MACROD2: variants seen among roughly 807,000 people sequenced by gnomAD.
MACROD2 encodes ADP-ribose glycohydrolase MACROD2.
Under a neutral mutation model 70.4 loss-of-function variants are expected in MACROD2, and 36 were observed. That is an observed-to-expected ratio of 0.51 (90% CI 0.39 to 0.68). The LOEUF is 0.68. Among genes scored for constraint, MACROD2 ranks in the 30% least tolerant of loss-of-function variants. MACROD2 has a pLI of 0.00. For synonymous variants in MACROD2, 172 were observed against 178.8 expected (o/e 0.96, Z 0.30); for missense variants, 496 against 538.4 (o/e 0.92, Z 0.78).
At chr20:14,152,887 A>T (rs1478551673) in intron 3 of MACROD2, among the ~76,000 whole-genome samples, 2 of 152,188 alleles carry the variant, frequency 1.3e-5, no homozygotes, top group African/African-American at 4.8e-5. Context: ...CCTATCGTTA[A>T]GCAGTTTTTC....
chr20:14,485,655 C>T (rs1227242996), intron 3 of MACROD2, among the ~76,000 whole-genome samples: 2 of 130,606 alleles, frequency 1.5e-5, no homozygotes, highest in Admixed American at 8.9e-5. Flanking sequence ...GAGCCGAGAT[C>T]GTGCCACTTG....
Position 14,085,694 on chromosome 20 carries a change from C to A in MACROD2, c.237C>A (p.Ile79=). ...TEKVSLYRGD[I]TLLEVDAIVN... is the part of the protein sequence containing the mutation. Reference sequence around the variant, plus strand: ...AAGTTTCTCTCTATAGAGGTGACATCACATTGCTAGAGGTAGATGCTATAG... The same window carrying A: ...AAGTTTCTCTCTATAGAGGTGACATAACATTGCTAGAGGTAGATGCTATAG... The change falls in exon 3 of 18, where the codon ATC becomes ATA. Residue 79 remains isoleucine (I), a synonymous_variant. Transcript: ENST00000684519. 6.4e-7 allele frequency: 1 copy of A among 1,566,950 alleles called. No homozygotes were observed. The highest frequency in any genetic ancestry group is 8.7e-7 in the Non-Finnish European group (1 of 1,155,632).
At chr20:15,127,238 G>A (rs542016112) in intron 5 of MACROD2, among the ~76,000 whole-genome samples, 38 of 152,118 alleles carry the variant, frequency 2.5e-4, no homozygotes, top group African/African-American at 8.9e-4. Flanking sequence ...AGTGACTGGT[G>A]CAAAATAAAT....
intron 4 of MACROD2, among the ~76,000 whole-genome samples, chr20:14,670,202 C>T (rs150720438): frequency 1.3e-5 from 2 of 152,198 alleles, no homozygotes; most frequent in Admixed American, 6.6e-5. Flanking sequence ...CTGTCATCTA[C>T]GATGATGAAT....
intron 4 of MACROD2, among the ~76,000 whole-genome samples, chr20:14,621,510 T>C (rs1338842889): frequency 6.6e-6 from 1 of 152,164 alleles, no homozygotes; most frequent in Non-Finnish European, 1.5e-5. Flanking sequence ...TACAGCCCTA[T>C]GTTTCAGGAA....
At chr20:14,336,980 T>C (rs2082949842) in intron 3 of MACROD2, among the ~76,000 whole-genome samples, 1 of 152,214 alleles carries the variant, frequency 6.6e-6, no homozygotes, top group Non-Finnish European at 1.5e-5. Context: ...ACTCATGGGC[T>C]GAGGGATTAT....
intron 6 of MACROD2, among the ~76,000 whole-genome samples, chr20:15,381,067 A>T (rs940272398): frequency 5.3e-5 from 8 of 152,214 alleles, no homozygotes; most frequent in Non-Finnish European, 1.2e-4. Flanking sequence ...GACAAGCATA[A>T]ATGTACTTCT....
chr20:14,474,387 T>C (rs2084565454), intron 3 of MACROD2, among the ~76,000 whole-genome samples: 1 of 152,192 alleles, frequency 6.6e-6, no homozygotes, highest in Non-Finnish European at 1.5e-5. Flanking sequence ...TGTTTTGTAG[T>C]CTAACATGTG....
At chr20:14,361,641 C>T (rs2083222704) in intron 3 of MACROD2, among the ~76,000 whole-genome samples, 1 of 152,152 alleles carries the variant, frequency 6.6e-6, no homozygotes, top group Non-Finnish European at 1.5e-5. Flanking sequence ...ATGCATGTCA[C>T]TCCAATAGGT....
At chr20:15,403,751 G>A (rs1568780994) in intron 6 of MACROD2, among the ~76,000 whole-genome samples, 2 of 152,114 alleles carry the variant, frequency 1.3e-5, no homozygotes, top group African/African-American at 4.8e-5. Context: ...TTGGAACTTA[G>A]CCCATGAGAT....
At chr20:15,939,178 T>A (rs554808123) in intron 12 of MACROD2, among the ~76,000 whole-genome samples, 1 of 152,216 alleles carries the variant, frequency 6.6e-6, no homozygotes, top group African/African-American at 2.4e-5. Context: ...CTAAAATCAC[T>A]GATCAAGGTG....
chr20:15,642,581 C>T (rs1228383428), intron 8 of MACROD2, among the ~76,000 whole-genome samples: 3 of 137,896 alleles, frequency 2.2e-5, no homozygotes, highest in Non-Finnish European at 4.7e-5. Context: ...AAGTAGGGAA[C>T]TGTGTACCTG....
intron 9 of MACROD2, among the ~76,000 whole-genome samples, chr20:15,868,934 T>C (rs2064533849): frequency 6.6e-6 from 1 of 151,612 alleles, no homozygotes; most frequent in African/African-American, 2.4e-5. Flanking sequence ...ACAGGCACAC[T>C]CCACCATGCC....
At chr20:14,620,831 T>C (rs139765661) in intron 4 of MACROD2, among the ~76,000 whole-genome samples, 1 of 152,250 alleles carries the variant, frequency 6.6e-6, no homozygotes, top group Non-Finnish European at 1.5e-5. Flanking sequence ...TTTCTTTAAT[T>C]TAAATGAGTT....
chr20:15,662,059 G>A (rs76314075), intron 8 of MACROD2, among the ~76,000 whole-genome samples: 3,262 of 152,098 alleles, frequency 0.021, 224 homozygotes, highest in South Asian at 0.12. Flanking sequence ...CTTTACCCAC[G>A]CTGAAGTTGG....
At chr20:14,411,867 G>T (rs1190004220) in intron 3 of MACROD2, among the ~76,000 whole-genome samples, 2 of 152,092 alleles carry the variant, frequency 1.3e-5, no homozygotes, top group Non-Finnish European at 2.9e-5. Flanking sequence ...ATAGCTCTCT[G>T]TTCTCAACCC....
intron 4 of MACROD2, among the ~76,000 whole-genome samples, chr20:14,505,634 C>G (rs2084960456): frequency 6.6e-6 from 1 of 152,214 alleles, no homozygotes; most frequent in South Asian, 2.1e-4. Flanking sequence ...TGTTAAAACA[C>G]AGATTACTGG....
At chr20:13,999,146 C>T (rs766552818) in intron 1 of MACROD2, among the ~76,000 whole-genome samples, 4 of 152,052 alleles carry the variant, frequency 2.6e-5, no homozygotes, top group Non-Finnish European at 5.9e-5. Context: ...CCCATATCTT[C>T]TTTGAGTTCT....
At chr20:14,097,398 A>G (rs992194449) in intron 3 of MACROD2, among the ~76,000 whole-genome samples, 4 of 152,230 alleles carry the variant, frequency 2.6e-5, no homozygotes, top group African/African-American at 9.6e-5. Flanking sequence ...ATAACTGTCT[A>G]ATTGTAATTG....
Sources: gnomAD v4.1 joint callset for allele counts (sites outside exome capture counted in the v4.1 genomes callset) on GRCh38, gnomAD v4.1.1 for gene constraint, MANE v1.5 for transcripts, NCBI Gene and HGNC (gene_info 2026-07-23, HGNC 2026-07-21) for gene names.